Variants in ERC1 observed in about 807,000 individuals in gnomAD.
ERC1 encodes the protein RAB6 interacting protein 2.
In ERC1, 56 loss-of-function variants were observed where a neutral mutation model predicts 132.0. That is an observed-to-expected ratio of 0.42 (90% confidence interval 0.34 to 0.53). The LOEUF (loss-of-function observed/expected upper bound fraction) is 0.53. ERC1 is among the 20% of genes least tolerant of loss of function. The pLI is 0.03. For missense variants in ERC1, 1,202 were observed against 1,349.9 expected (o/e 0.89, Z 1.72); for synonymous variants, 478 against 476.1 (o/e 1.00, Z -0.05).
chr12:1,461,243 G>A (rs1368560169), intron 18 of ERC1, among the ~76,000 whole-genome samples: 1 of 151,992 alleles, frequency 6.6e-6, no homozygotes, highest in Non-Finnish European at 1.5e-5. Flanking sequence ...TTAGCCATAT[G>A]GATTATATAT....
At chr12:1,029,542 G>A (rs1967590504) in intron 2 of ERC1, among the ~76,000 whole-genome samples, 1 of 151,982 alleles carries the variant, frequency 6.6e-6, no homozygotes, top group Non-Finnish European at 1.5e-5. Flanking sequence ...TGAGATGACT[G>A]GGCATTATAA....
At chr12:1,163,851 G>A (rs1409046498) in intron 8 of ERC1, among the ~76,000 whole-genome samples, 1 of 152,104 alleles carries the variant, frequency 6.6e-6, no homozygotes, top group African/African-American at 2.4e-5. Flanking sequence ...TAGTAGCTGG[G>A]ATTACAGGCA....
intron 18 of ERC1, among the ~76,000 whole-genome samples, chr12:1,485,267 T>G (rs573120557): frequency 1.9e-4 from 27 of 141,012 alleles, no homozygotes; most frequent in African/African-American, 6.1e-4. Flanking sequence ...TGCAGTGGCG[T>G]GATCTTAGCC....
At chr12:1,357,827 G>T (rs1187391581) in intron 15 of ERC1, among the ~76,000 whole-genome samples, 1 of 152,146 alleles carries the variant, frequency 6.6e-6, no homozygotes, top group Non-Finnish European at 1.5e-5. Flanking sequence ...ATCTCTTGAG[G>T]CTCAAGCTCA....
upstream of ERC1, chr12:990,534 C>T (rs1335601728): frequency 6.6e-6 from 1 of 152,224 alleles, no homozygotes; most frequent in African/African-American, 2.4e-5. Context: ...CTAATTTCCG[C>T]CCACGCTCCC....
chr12:1,461,868 T>A (rs1565485267), intron 18 of ERC1, among the ~76,000 whole-genome samples: 1 of 152,242 alleles, frequency 6.6e-6, no homozygotes, highest in East Asian at 1.9e-4. Flanking sequence ...AATAGGACTT[T>A]ATCAAACTTT....
chr12:1,300,924 T>C (rs2080345080), intron 15 of ERC1, among the ~76,000 whole-genome samples: 1 of 152,080 alleles, frequency 6.6e-6, no homozygotes, highest in Non-Finnish European at 1.5e-5. Context: ...AAATACAGTT[T>C]GATCCAGCAA....
rs1261380660 is a variant in ERC1 at position 1,110,230 on chromosome 12, C to T, written c.1200C>T (p.Asp400=). The T allele has an allele frequency of 6.2e-7, 1 of 1,613,196 alleles. No homozygotes were observed. The highest frequency in any genetic ancestry group is 1.1e-5 in the South Asian group (1 of 90,906). The change falls in exon 5 of 19, where the codon GAC becomes GAT. Residue 400 remains aspartate, a synonymous_variant. Transcript: ENST00000360905. The stretch of plus-strand genomic sequence containing the variant: ...CCTCTATGGAGCGTGGGCTTCGAGA[C>T]CTGGAAGAGGAAATTCAGATGCTGA... The part of the protein sequence containing the change: ...KISSMERGLR[D]LEEEIQMLKS...
chr12:1,427,547 A>G (rs946506499), intron 17 of ERC1, among the ~76,000 whole-genome samples: 1 of 152,112 alleles, frequency 6.6e-6, no homozygotes, highest in Non-Finnish European at 1.5e-5. Flanking sequence ...CCCACCTGTA[A>G]AACTGGCAAG....
At chr12:1,170,868 T>C (rs2154265792) in intron 8 of ERC1, among the ~76,000 whole-genome samples, 1 of 152,346 alleles carries the variant, frequency 6.6e-6, no homozygotes, top group African/African-American at 2.4e-5. Context: ...GGCTATACCA[T>C]TCCTGTATAA....
intron 7 of ERC1, among the ~76,000 whole-genome samples, chr12:1,130,830 G>A (rs377012045): frequency 5.9e-5 from 9 of 152,178 alleles, no homozygotes; most frequent in African/African-American, 2.2e-4. Flanking sequence ...TGCCCTTCAC[G>A]TAGCATTCAG....
intron 8 of ERC1, among the ~76,000 whole-genome samples, chr12:1,177,131 C>G (rs1185259564): frequency 1.3e-5 from 2 of 152,164 alleles, no homozygotes; most frequent in African/African-American, 2.4e-5. Context: ...GAGTTAGGGC[C>G]TTGTTCTGGA....
At chr12:1,366,029 T>TA (rs904724048) in intron 15 of ERC1, among the ~76,000 whole-genome samples, 8 of 152,110 alleles carry the variant, frequency 5.3e-5, no homozygotes, top group African/African-American at 1.9e-4. Flanking sequence ...TTCATAGAGA[T>TA]AGAAAGTAAA....
rs755716154 is a variant in ERC1 at position 1,167,717 on chromosome 12, C to CT, written c.1738-12808dup. Among the ~76,000 whole-genome samples the CT allele has an allele frequency of 5.3e-3, 726 of 136,350 alleles. 5 individuals carry two copies. The highest frequency in any genetic ancestry group is 0.012 in the Middle Eastern group (3 of 246). 89.5% of individuals were successfully genotyped at this position (136,350 alleles called of 152,430 possible). ...GATCTTTGGGCTTCTTTTTTCTTTT[C>CT]TTTTTTTTTTTTTTTCCGAGATGGA... is the stretch of plus-strand genomic sequence containing the variant. On this transcript the variant is annotated intron_variant, in intron 8 of 18. Coordinates refer to ENST00000360905, the MANE Select transcript of ERC1 (RefSeq NM_178040.4).
At chr12:1,219,717 C>T (rs1958790723) in intron 12 of ERC1, among the ~76,000 whole-genome samples, 2 of 151,340 alleles carry the variant, frequency 1.3e-5, no homozygotes, top group Middle Eastern at 3.4e-3. Flanking sequence ...CTCACTGCAA[C>T]CTCTGCCTCC....
intron 12 of ERC1, among the ~76,000 whole-genome samples, chr12:1,195,955 A>G (rs991766516): frequency 6.8e-5 from 10 of 147,718 alleles, no homozygotes; most frequent in Non-Finnish European, 1.5e-4. Flanking sequence ...ATAAGGATCA[A>G]TGCTGCTGAA....
chr12:1,025,189 G>GT (rs1172041568), intron 1 of ERC1, among the ~76,000 whole-genome samples: 19 of 152,122 alleles, frequency 1.2e-4, no homozygotes, highest in Admixed American at 4.6e-4. Flanking sequence ...GTATGAACAT[G>GT]TTTTCTTTTT....
intron 16 of ERC1, among the ~76,000 whole-genome samples, chr12:1,384,752 G>A (rs2154379830): frequency 1.3e-5 from 2 of 152,272 alleles, no homozygotes; most frequent in Middle Eastern, 3.4e-3. Context: ...TACTAAAACA[G>A]TATTTGTGGT....
At chr12:1,381,395 A>G (rs2088645120) in intron 16 of ERC1, among the ~76,000 whole-genome samples, 1 of 152,148 alleles carries the variant, frequency 6.6e-6, no homozygotes, top group Non-Finnish European at 1.5e-5. Flanking sequence ...TCTGGTGCCC[A>G]GGCTGGAGTG....
Sources: gnomAD v4.1 joint callset for allele counts (sites outside exome capture counted in the v4.1 genomes callset) on GRCh38, gnomAD v4.1.1 for gene constraint, MANE v1.5 for transcripts, NCBI Gene and HGNC (gene_info 2026-07-23, HGNC 2026-07-21) for gene names.